Variants in KCNQ5 observed in about 807,000 individuals in gnomAD.
KCNQ5 encodes potassium voltage-gated channel subfamily Q member 5.
A neutral mutation model predicts 98.2 loss-of-function variants in KCNQ5; 30 were observed. The ratio of observed to expected loss-of-function variants is 0.31; its 90% CI spans 0.23 to 0.41. KCNQ5 has a LOEUF of 0.41. KCNQ5 is among the 10% of genes least tolerant of loss of function. The pLI, the probability that KCNQ5 is intolerant of heterozygous loss-of-function variation, is 1.00. For missense variants in KCNQ5, 835 were observed against 1,182.5 expected, an observed-to-expected ratio of 0.71 and a Z score of 4.31; for synonymous variants, 458 against 449.4, an observed-to-expected ratio of 1.02 and a Z score of -0.24.
rs537194973 is a variant in KCNQ5, at chr6:73,016,453, G to T, written c.489+12455G>T. Reference sequence around the variant, plus strand: ...TGACTCAGTGACACCACTTAATACAGTAATAGTTGGTGGCAAATCATCAGT... The same window carrying T: ...TGACTCAGTGACACCACTTAATACATTAATAGTTGGTGGCAAATCATCAGT... On this transcript the variant is annotated intron_variant, in intron 2 of 13. Transcript: ENST00000370398. Among the ~76,000 whole-genome samples, 3 of 152,218 alleles carry T rather than the reference G, an allele frequency of 2.0e-5. No homozygotes were observed. In the South Asian group the frequency reaches 6.2e-4, roughly 32 times the overall value.
chr6:73,097,142 C>CATATATATTTATATATATAT lies in KCNQ5; in HGVS notation c.919-8107_919-8106insTTATATATATATATATATAT, dbSNP rs1554208507. 4.2e-4 allele frequency among the ~76,000 whole-genome samples: 51 copies of CATATATATTTATATATATAT among 121,902 alleles called. 3 individuals carry two copies. In the East Asian group the frequency reaches 9.0e-3, roughly 22 times the overall value. The allele number at this position is 121,902 out of a possible 152,430, so 80.0% of individuals were successfully genotyped here. On this transcript the variant is annotated intron_variant, in intron 5 of 13. Coordinates refer to ENST00000370398, the MANE Select transcript of KCNQ5 (RefSeq NM_019842.4). Reference sequence around the variant, plus strand: ...ATTCACCACACTGTGCAATAGATCTCATATATATATATATATACACACACA... The same window carrying CATATATATTTATATATATAT: ...ATTCACCACACTGTGCAATAGATCTCATATATATTTATATATATATATATATATATATATATACACACACA...
chr6:73,174,245 T>A (rs1053699227), intron 11 of KCNQ5, among the ~76,000 whole-genome samples: 1 of 152,212 alleles, frequency 6.6e-6, no homozygotes, highest in African/African-American at 2.4e-5. Flanking sequence ...CCACTCTTAA[T>A]AAGATCCTCA....
At chr6:72,852,417 A>C (rs994899427) in intron 1 of KCNQ5, among the ~76,000 whole-genome samples, 1 of 151,704 alleles carries the variant, frequency 6.6e-6, no homozygotes, top group Admixed American at 6.6e-5. Context: ...ACACAATGGA[A>C]TATTATTCAG....
chr6:72,805,469 G>A (rs967154488), intron 1 of KCNQ5, among the ~76,000 whole-genome samples: 4 of 152,030 alleles, frequency 2.6e-5, no homozygotes, highest in African/African-American at 4.8e-5. Context: ...TGAGTTCACT[G>A]TAGATATATA....
intron 9 of KCNQ5, chr6:73,129,934 C>A: frequency 1.9e-6 from 2 of 1,047,126 alleles, no homozygotes; most frequent in Admixed American, 2.0e-5. Flanking sequence ...GCCACCCCAC[C>A]TGAGCCCTGT....
chr6:72,827,188 G>A (rs538315150), intron 1 of KCNQ5, among the ~76,000 whole-genome samples: 9 of 152,166 alleles, frequency 5.9e-5, no homozygotes, highest in African/African-American at 9.6e-5. Flanking sequence ...ATAAACATGG[G>A]GGTGCAGAAG....
intron 2 of KCNQ5, among the ~76,000 whole-genome samples, chr6:73,025,465 T>C (rs1477033075): frequency 1.3e-5 from 2 of 151,524 alleles, no homozygotes; most frequent in African/African-American, 4.8e-5. Flanking sequence ...CTACTAAAAA[T>C]ACAAAAAAAT....
chr6:72,957,235 A>G (rs1767126600), intron 1 of KCNQ5, among the ~76,000 whole-genome samples: 1 of 150,764 alleles, frequency 6.6e-6, no homozygotes, highest in Non-Finnish European at 1.5e-5. Context: ...CAGTGGCACA[A>G]TCTCAGCTCA....
chr6:73,169,110 C>T (rs181856818), intron 10 of KCNQ5, among the ~76,000 whole-genome samples: 1 of 152,308 alleles, frequency 6.6e-6, no homozygotes, highest in Admixed American at 6.5e-5. Context: ...TTTATTATAA[C>T]CCTGCTGCCT....
chr6:72,729,657 G>T (rs1461310263), intron 1 of KCNQ5, among the ~76,000 whole-genome samples: 1 of 152,170 alleles, frequency 6.6e-6, no homozygotes, highest in Non-Finnish European at 1.5e-5. Context: ...ATAATATAAA[G>T]AGGGCTTCTT....
At chr6:72,831,251 A>G (rs1191509058) in intron 1 of KCNQ5, among the ~76,000 whole-genome samples, 1 of 152,202 alleles carries the variant, frequency 6.6e-6, no homozygotes, top group Admixed American at 6.5e-5. Context: ...AGGATTATAA[A>G]TCATGCTGCT....
chr6:72,999,446 T>A (rs565370077), intron 1 of KCNQ5, among the ~76,000 whole-genome samples: 1 of 152,318 alleles, frequency 6.6e-6, no homozygotes, highest in African/African-American at 2.4e-5. Flanking sequence ...GGCCAATAGC[T>A]GTTCCAGACT....
intron 1 of KCNQ5, among the ~76,000 whole-genome samples, chr6:72,747,329 A>C (rs1771455599): frequency 1.3e-5 from 2 of 152,170 alleles, no homozygotes; most frequent in Admixed American, 1.3e-4. Flanking sequence ...AATTCTTTTA[A>C]TATTTTGATA....
chr6:72,966,953 G>A (rs1279971680), intron 1 of KCNQ5, among the ~76,000 whole-genome samples: 3 of 152,164 alleles, frequency 2.0e-5, no homozygotes, highest in African/African-American at 7.2e-5. Context: ...TGTGGACTGA[G>A]TTTTTAAAAT....
intron 2 of KCNQ5, among the ~76,000 whole-genome samples, chr6:73,024,491 A>G (rs1407829118): frequency 2.6e-5 from 4 of 151,982 alleles, no homozygotes; most frequent in African/African-American, 7.3e-5. Context: ...AGAAGAATTA[A>G]TTGCTTGGGA....
intron 1 of KCNQ5, among the ~76,000 whole-genome samples, chr6:72,655,030 T>TTCCC (rs1554683255): frequency 0.027 from 1,161 of 43,564 alleles, 17 homozygotes; most frequent in South Asian, 0.076. Context: ...CTGTCTGTCT[T>TTCCC]TCTTTCTTTC....
intron 1 of KCNQ5, among the ~76,000 whole-genome samples, chr6:72,808,188 G>A (rs890489878): frequency 6.6e-6 from 1 of 152,168 alleles, no homozygotes; most frequent in African/African-American, 2.4e-5. Context: ...GGACTGATTT[G>A]AGTGATACTT....
intron 1 of KCNQ5, among the ~76,000 whole-genome samples, chr6:72,807,324 T>C (rs963778947): frequency 6.6e-6 from 1 of 152,174 alleles, no homozygotes; most frequent in African/African-American, 2.4e-5. Context: ...AAAATAACAA[T>C]ATAATAGTTA....
intron 3 of KCNQ5, among the ~76,000 whole-genome samples, chr6:73,057,141 T>C (rs1418642296): frequency 2.6e-5 from 4 of 152,118 alleles, no homozygotes; most frequent in Non-Finnish European, 5.9e-5. Context: ...TGGAATACTA[T>C]GCAGCCATAA....
Sources: gnomAD v4.1 joint callset for allele counts (sites outside exome capture counted in the v4.1 genomes callset) on GRCh38, gnomAD v4.1.1 for gene constraint, MANE v1.5 for transcripts, NCBI Gene and HGNC (gene_info 2026-07-23, HGNC 2026-07-21) for gene names.